TAFA2: variants seen among roughly 807,000 people sequenced by gnomAD.
TAFA2 encodes TAFA chemokine like family member 2.
TAFA2 carries 7 observed loss-of-function variants against 18.8 expected under a neutral mutation model. The observed-to-expected ratio is 0.37, with a 90% CI of 0.21 to 0.70. The LOEUF (loss-of-function observed/expected upper bound fraction) is 0.70, where lower values mean the gene tolerates loss of function less well. Among genes scored for constraint, TAFA2 ranks in the 30% least tolerant of loss-of-function variants. TAFA2 has a pLI of 0.53. For missense variants in TAFA2, 122 were observed against 158.1 expected (o/e 0.77, Z 1.23); for synonymous variants, 60 against 54.2 (o/e 1.11, Z -0.47).
chr12:61,734,012 G>T (rs532785625), intron 4 of TAFA2, among the ~76,000 whole-genome samples: 1 of 147,766 alleles, frequency 6.8e-6, no homozygotes, highest in South Asian at 2.2e-4. Flanking sequence ...TGGATTCCTA[G>T]GTATTTTATT....
chr12:62,166,883 A>C (rs2062443905), intron 1 of TAFA2, among the ~76,000 whole-genome samples: 1 of 152,168 alleles, frequency 6.6e-6, no homozygotes, highest in African/African-American at 2.4e-5. Context: ...AGTGAAATAA[A>C]ACCTTTGATC....
Position 62,214,305 on chromosome 12 carries a change from A to G in TAFA2, c.-130+44458T>C, listed in dbSNP as rs1217108277. On this transcript the variant is annotated intron_variant, in intron 1 of 5. Coordinates refer to the TAFA2 transcript ENST00000551619. ...TCCTGTGCTGTTTTCATGATAGGGA[A>G]TAAGTCTCACGAGATCTGATGGTTT... Among the ~76,000 whole-genome samples, 3 of 152,256 alleles carry G rather than the reference A, an allele frequency of 2.0e-5. No homozygotes were observed. The East Asian group carries it at 5.8e-4, about 29-fold the overall frequency.
At chr12:61,989,530 AC>A in intron 1 of TAFA2, among the ~76,000 whole-genome samples, 1 of 152,144 alleles carries the variant, frequency 6.6e-6, no homozygotes, top group South Asian at 2.1e-4. Flanking sequence ...TCTCAGCACC[AC>A]CCTTGCCACT....
chr12:61,932,777 G>T (rs1260799084), intron 1 of TAFA2, among the ~76,000 whole-genome samples: 1 of 152,112 alleles, frequency 6.6e-6, no homozygotes, highest in Non-Finnish European at 1.5e-5. Context: ...GGCCCGCAAA[G>T]TACTTCTTTG....
At chr12:61,715,902 A>G (rs1284699766) in intron 4 of TAFA2, among the ~76,000 whole-genome samples, 1 of 152,066 alleles carries the variant, frequency 6.6e-6, no homozygotes, top group Non-Finnish European at 1.5e-5. Context: ...GGATGACACA[A>G]TGAGACTGTC....
chr12:62,250,370 TTC>T (rs2062907052), intron 1 of TAFA2, among the ~76,000 whole-genome samples: 1 of 152,170 alleles, frequency 6.6e-6, no homozygotes, highest in Non-Finnish European at 1.5e-5. Flanking sequence ...TTTAAGATTT[TTC>T]TCTGAGTTCA....
intron 1 of TAFA2, among the ~76,000 whole-genome samples, chr12:62,119,502 AT>A (rs1870103498): frequency 6.6e-6 from 1 of 152,172 alleles, no homozygotes; most frequent in Admixed American, 6.5e-5. Context: ...TAACCACAAT[AT>A]GGGAAAGGCA....
At chr12:61,970,284 C>G (rs1322077112) in intron 1 of TAFA2, among the ~76,000 whole-genome samples, 2 of 151,492 alleles carry the variant, frequency 1.3e-5, no homozygotes, top group Non-Finnish European at 3.0e-5. Context: ...TAAAATTGCA[C>G]AGGGTAAAAT....
At chr12:61,952,299 A>G (rs906165626) in intron 1 of TAFA2, among the ~76,000 whole-genome samples, 1 of 152,176 alleles carries the variant, frequency 6.6e-6, no homozygotes, top group Non-Finnish European at 1.5e-5. Flanking sequence ...TCTATTAGGT[A>G]ATGATAAAGA....
chr12:62,021,998 G>A (rs1352298498), intron 1 of TAFA2: 3 of 670,556 alleles, frequency 4.5e-6, no homozygotes, highest in Non-Finnish European at 8.6e-6. Flanking sequence ...GACTCTGCCT[G>A]GGCAATGGCA....
intron 1 of TAFA2, among the ~76,000 whole-genome samples, chr12:61,967,122 T>G (rs575078977): frequency 6.6e-6 from 1 of 151,958 alleles, no homozygotes; most frequent in South Asian, 2.1e-4. Context: ...TGCTTGTGGG[T>G]CAGGCTTCAG....
chr12:61,751,863 A>T (rs1482719088), intron 4 of TAFA2, among the ~76,000 whole-genome samples: 2 of 148,336 alleles, frequency 1.3e-5, no homozygotes, highest in Non-Finnish European at 1.5e-5. Context: ...GCACTTCCAA[A>T]TTTTTTTTTT....
At chr12:61,775,850 G>A (rs921589960) in intron 2 of TAFA2, 1 of 157,834 alleles carries the variant, frequency 6.3e-6, no homozygotes, top group African/African-American at 2.4e-5. Context: ...ATTTTGTTGT[G>A]AGCCTAAAAC....
chr12:62,255,294 GTTCT>G (rs888155961), intron 1 of TAFA2: 2 of 152,080 alleles, frequency 1.3e-5, no homozygotes, highest in African/African-American at 4.8e-5. Flanking sequence ...TCATGTAGAG[GTTCT>G]TTATCAACCT....
At chr12:61,982,003 C>A (rs930990905) in intron 1 of TAFA2, among the ~76,000 whole-genome samples, 1 of 152,052 alleles carries the variant, frequency 6.6e-6, no homozygotes, top group Non-Finnish European at 1.5e-5. Context: ...ATGTTCACTG[C>A]GGCACTATTC....
intron 1 of TAFA2, among the ~76,000 whole-genome samples, chr12:61,919,903 C>A (rs1353932009): frequency 6.6e-6 from 1 of 152,086 alleles, no homozygotes; most frequent in Non-Finnish European, 1.5e-5. Context: ...CTAATTCAGG[C>A]AAATGCATTT....
At chr12:62,235,474 C>G (rs1254573621) in intron 1 of TAFA2, 1 of 612,926 alleles carries the variant, frequency 1.6e-6, no homozygotes. Flanking sequence ...GGCTCAGCTT[C>G]CCAGCTTCCT....
upstream of TAFA2, among the ~76,000 whole-genome samples, chr12:62,195,924 C>T (rs532648319): frequency 3.2e-4 from 49 of 152,256 alleles, no homozygotes; most frequent in African/African-American, 1.2e-3. Context: ...CTGGGAAAGT[C>T]CCAGATGTCA....
intron 1 of TAFA2, among the ~76,000 whole-genome samples, chr12:62,012,021 T>C (rs1183331727): frequency 6.6e-6 from 1 of 152,194 alleles, no homozygotes; most frequent in Non-Finnish European, 1.5e-5. Context: ...CTGACAATTG[T>C]TTGTACTTGA....
Sources: allele counts gnomAD v4.1 joint callset (sites outside exome capture counted in the v4.1 genomes callset), GRCh38; gene constraint gnomAD v4.1.1; transcripts MANE v1.5; gene names NCBI Gene and HGNC (gene_info 2026-07-23, HGNC 2026-07-21).